ENTREP1: variants seen among roughly 807,000 people sequenced by gnomAD.
The protein encoded by ENTREP1 is Friedreich ataxia region gene X123.
the ENTREP1 span, among the ~76,000 whole-genome samples, chr9:69,341,403 A>C: frequency 2.6e-5 from 4 of 152,090 alleles, no homozygotes; most frequent in African/African-American, 9.7e-5. Context: ...CTTTCAGTTT[A>C]TTTTCTAACC....
the ENTREP1 span, chr9:69,324,879 C>T: frequency 6.1e-6 from 6 of 985,212 alleles, no homozygotes; most frequent in African/African-American, 1.7e-5. Context: ...GACGCTGAGA[C>T]TCTCGGTGGC....
the ENTREP1 span, chr9:69,324,966 C>T: frequency 3.0e-6 from 3 of 985,170 alleles, no homozygotes; most frequent in Non-Finnish European, 3.6e-6. Flanking sequence ...AGGGCACCCT[C>T]CCAGGACCCC....
chr9:69,385,897 TGAG>T, the ENTREP1 span: 2 of 1,613,104 alleles, frequency 1.2e-6, no homozygotes, highest in Non-Finnish European at 1.7e-6. Context: ...CTCCCACCCT[TGAG>T]GACCAGGTCG....
the ENTREP1 span, chr9:69,383,155 T>C: frequency 1.0e-6 from 1 of 976,132 alleles, no homozygotes. Context: ...TCCTTAGCTG[T>C]TTTTTAAATA....
At chr9:69,356,436 T>C in the ENTREP1 span, among the ~76,000 whole-genome samples, 2 of 152,178 alleles carry the variant, frequency 1.3e-5, no homozygotes, top group Admixed American at 6.5e-5. Context: ...TCTTTGGAGA[T>C]TGCTGACCCT....
the ENTREP1 span, among the ~76,000 whole-genome samples, chr9:69,332,562 T>A: frequency 6.6e-6 from 1 of 152,258 alleles, no homozygotes; most frequent in Non-Finnish European, 1.5e-5. Context: ...AGATTATTGA[T>A]GTTTCTCATT....
the ENTREP1 span, among the ~76,000 whole-genome samples, chr9:69,348,001 C>A: frequency 4.6e-5 from 7 of 152,114 alleles, no homozygotes; most frequent in African/African-American, 1.7e-4. Flanking sequence ...ATGTTTGGAC[C>A]ATGACTTTGA....
the ENTREP1 span, among the ~76,000 whole-genome samples, chr9:69,348,660 TG>T: frequency 6.6e-6 from 1 of 152,238 alleles, no homozygotes; most frequent in African/African-American, 2.4e-5. Context: ...TTCATAGATT[TG>T]CCCATTCTGG....
chr9:69,345,597 C>G, the ENTREP1 span, among the ~76,000 whole-genome samples: 1 of 152,122 alleles, frequency 6.6e-6, no homozygotes, highest in Non-Finnish European at 1.5e-5. Flanking sequence ...CCTTCTTACT[C>G]TTTTTTAAAA....
chr9:69,359,374 T>C, the ENTREP1 span, among the ~76,000 whole-genome samples: 1 of 152,236 alleles, frequency 6.6e-6, no homozygotes. Flanking sequence ...AAATTTCATC[T>C]TGAATTGTAA....
the ENTREP1 span, chr9:69,391,792 G>C: frequency 6.2e-7 from 1 of 1,604,170 alleles, no homozygotes; most frequent in South Asian, 1.1e-5. Flanking sequence ...TCATCCGAGA[G>C]ACTGTCCTGT....
chr9:69,371,634 T>C, the ENTREP1 span: 6 of 1,449,854 alleles, frequency 4.1e-6, no homozygotes, highest in Non-Finnish European at 5.8e-6. Context: ...AACATCACTG[T>C]GCATCTAGGC....
the ENTREP1 span, among the ~76,000 whole-genome samples, chr9:69,345,816 C>G: frequency 6.6e-6 from 1 of 152,058 alleles, no homozygotes; most frequent in Non-Finnish European, 1.5e-5. Context: ...CTTGGCCAGG[C>G]TGGTCTCAAA....
At chr9:69,362,423 C>A in the ENTREP1 span, among the ~76,000 whole-genome samples, 6 of 152,040 alleles carry the variant, frequency 3.9e-5, no homozygotes, top group Non-Finnish European at 8.8e-5. Flanking sequence ...ACTGGGGGTA[C>A]AATTACCAGA....
At chr9:69,355,970 C>G in the ENTREP1 span, among the ~76,000 whole-genome samples, 1 of 152,180 alleles carries the variant, frequency 6.6e-6, no homozygotes, top group Non-Finnish European at 1.5e-5. Flanking sequence ...TAACATAAAA[C>G]TTACCATTTT....
At chr9:69,327,097 C>T in the ENTREP1 span, among the ~76,000 whole-genome samples, 1 of 151,898 alleles carries the variant, frequency 6.6e-6, no homozygotes, top group African/African-American at 2.4e-5. Context: ...TTCCTTGAGA[C>T]TCGCCTGAAA....
chr9:69,345,706 G>T, the ENTREP1 span, among the ~76,000 whole-genome samples: 2 of 152,192 alleles, frequency 1.3e-5, no homozygotes, highest in Non-Finnish European at 2.9e-5. Context: ...GGGTCCAAGG[G>T]ATTCTCGTGC....
chr9:69,340,665 GCGTGTGTGTGTGCATGCA>G, the ENTREP1 span, among the ~76,000 whole-genome samples: 1 of 102,880 alleles, frequency 9.7e-6, no homozygotes, highest in Non-Finnish European at 2.0e-5. Flanking sequence ...GTGTGTGTGT[GCGTGTGTGTGTGCATGCA>G]TGTGTGTGTG....
chr9:69,328,665 A>AG, the ENTREP1 span, among the ~76,000 whole-genome samples: 1 of 151,944 alleles, frequency 6.6e-6, no homozygotes, highest in Non-Finnish European at 1.5e-5. Context: ...TTTCTATAAA[A>AG]AAAAAAGTTG....
Sources: gnomAD v4.1 joint callset for allele counts (sites outside exome capture counted in the v4.1 genomes callset) on GRCh38, gnomAD v4.1.1 for gene constraint, MANE v1.5 for transcripts, NCBI Gene and HGNC (gene_info 2026-07-23, HGNC 2026-07-21) for gene names.